Variants in GRIN3B observed in about 807,000 individuals in gnomAD.
GRIN3B encodes the protein glutamate receptor ionotropic, NMDA 3B.
Under a neutral mutation model 66.0 loss-of-function variants are expected in GRIN3B, and 77 were observed. The observed-to-expected ratio is 1.17, with a 90% CI of 0.97 to 1.41. The LOEUF is 1.41. Ranked by LOEUF, GRIN3B falls within the 40% of genes most tolerant of loss-of-function variation. The pLI is 0.00. For synonymous variants in GRIN3B, 823 were observed against 749.7 expected, an observed-to-expected ratio of 1.10 and a Z score of -1.60; for missense variants, 1,787 against 1,564.5, an observed-to-expected ratio of 1.14 and a Z score of -2.40.
rs764451151 is a variant in GRIN3B, at chr19:1,004,893, C to T, written c.1392C>T (p.Ala464=). The T allele has an allele frequency of 1.9e-6, 3 of 1,600,412 alleles. No individual in the cohort carries two copies. Among genetic ancestry groups the T allele is most frequent in the Non-Finnish European group, 2.6e-6 (3 of 1,171,816 alleles). The change falls in exon 3 of 9, where the codon GCC becomes GCT. Residue 464 remains alanine, a synonymous_variant. Transcript: ENST00000234389. ...ATLDALFAAL[A]NGSAPRALRK... is the part of the protein sequence containing the mutation. ...TGGACGCACTGTTCGCCGCGCTGGC[C>T]AACGGCTCAGCGCCCCGTGCCCTGC...
chr19:1,003,011 G>A, intron 1 of GRIN3B, 119 bp from the exon 2 acceptor site: 1 of 629,858 alleles, frequency 1.6e-6, no homozygotes, highest in Non-Finnish European at 2.6e-6. Flanking sequence ...CTGGGGGGAG[G>A]TGGAGGGGAG....
At position 1,009,607 on chromosome 19, in the gene GRIN3B, G is replaced by C; in HGVS notation, c.*5G>C. 7.0e-7 allele frequency: 1 copy of C among 1,424,772 alleles called. No homozygotes were observed. The highest frequency in any genetic ancestry group is 9.1e-7 in the Non-Finnish European group (1 of 1,094,678). The allele number at this position is 1,424,772 out of a possible 1,614,324, so 88.3% of individuals were successfully genotyped here. A position where few individuals can be genotyped will look rare whatever the true frequency, so the allele number is the denominator to read the frequency against. On this transcript the variant is annotated 3_prime_UTR_variant, in exon 9 of 9. Coordinates refer to ENST00000234389, the MANE Select transcript of GRIN3B (RefSeq NM_138690.3). The stretch of plus-strand genomic sequence containing the variant: ...CGACCGGGGAGCCAGGAATGAGGCG[G>C]CAGCCGGGCCGTTTGGGCTCAAGAC...
intron 1 of GRIN3B, among the ~76,000 whole-genome samples, chr19:1,001,088 C>A (rs1025339464): frequency 2.0e-5 from 3 of 152,044 alleles, no homozygotes; most frequent in Non-Finnish European, 4.4e-5. Flanking sequence ...GGGACCTAGA[C>A]GCGGGGTTGA....
rs903119058 is a variant in GRIN3B at position 1,003,216 on chromosome 19, G to A, written c.513G>A (p.Trp171Ter). The A allele has an allele frequency of 1.9e-6, 3 of 1,568,886 alleles. 1 individual carries two copies. In the South Asian group the frequency reaches 3.5e-5, roughly 18 times the overall value. The change falls in exon 2 of 9, where the codon TGG becomes TGA. Residue 171 changes from tryptophan to a stop codon, truncating the protein, a stop_gained. Coordinates refer to ENST00000234389, the MANE Select transcript of GRIN3B (RefSeq NM_138690.3). LOFTEE classifies it high-confidence loss of function. ...TGGCGGTGCTGCAGGCGCACGCCTG[G>A]GAAGACGTCGGCCTGGCCCTGTGCC... ...VLVAVLQAHA[W>*]EDVGLALCRT...
chr19:1,008,936 T>C lies in GRIN3B; in HGVS notation c.2702+9T>C. 1 of 1,600,482 alleles carries C rather than the reference T, an allele frequency of 6.2e-7. No individual in the cohort carries two copies. Among genetic ancestry groups the C allele is most frequent in the East Asian group, 2.3e-5 (1 of 44,156 alleles). The stretch of plus-strand genomic sequence containing the variant: ...GCAGAGGCGGAGCCCAGGTAAGTGG[T>C]GGTCGGGGCGGACCACGATGCAGGA... On this transcript the variant is annotated intron_variant, in intron 8 of 8. Transcript: ENST00000234389.
At chr19:1,009,052 G>A (rs2038803092) in intron 8 of GRIN3B, 121 bp from the exon 9 acceptor site, 2 of 1,440,378 alleles carry the variant, frequency 1.4e-6, no homozygotes, top group Non-Finnish European at 1.9e-6. Context: ...CCCCGGACGT[G>A]CACACCGTGG....
In GRIN3B at chr19:1,006,987, C is replaced by T. The variant is rs377186492; in HGVS notation, c.2053-641C>T. Among the ~76,000 whole-genome samples, 31 of 152,282 alleles carry T rather than the reference C, an allele frequency of 2.0e-4. No individual in the cohort carries two copies. The East Asian group carries it at 4.4e-3, about 22-fold the overall frequency. ...TCATTAGGGGTCTGCACCAGGTTGCCCTGGCAGCTGTGGGGAGAACAGACC... is the reference window on the plus strand; with the variant it reads ...TCATTAGGGGTCTGCACCAGGTTGCTCTGGCAGCTGTGGGGAGAACAGACC... On this transcript the variant is annotated intron_variant, in intron 3 of 8. Transcript: ENST00000234389.
In GRIN3B at chr19:1,009,175, G is replaced by A. The variant is rs762900281; in HGVS notation, c.2705G>A (p.Gly902Asp). The part of the protein sequence containing the change: ...KEETAEAEPS[G>D]PEVEQQQQQQ... Reference sequence around the variant, plus strand: ...GACCAGGCCGGTTCCGTCCCCAGCGGCCCCGAGGTGGAGCAGCAGCAGCAG... The same window carrying A: ...GACCAGGCCGGTTCCGTCCCCAGCGACCCCGAGGTGGAGCAGCAGCAGCAG... The change falls in exon 9 of 9, where the codon GGC becomes GAC. Residue 902 changes from glycine to aspartate, a missense_variant and splice_region_variant. Coordinates refer to ENST00000234389, the MANE Select transcript of GRIN3B (RefSeq NM_138690.3). The A allele has an allele frequency of 1.3e-5, 19 of 1,469,868 alleles. No homozygotes were observed. In the African/African-American group the frequency reaches 1.8e-4, roughly 14 times the overall value. 91.1% of individuals were successfully genotyped at this position (1,469,868 alleles called of 1,614,324 possible).
chr19:1,008,817 C>A (rs376554166), intron 7 of GRIN3B, 35 bp downstream of exon 7: 12 of 1,591,320 alleles, frequency 7.5e-6, no homozygotes, highest in Non-Finnish European at 8.5e-6. Flanking sequence ...GGCCCCACCC[C>A]CCCCGCCTCC....
In GRIN3B at chr19:1,005,153, CCAGCCTGG is replaced by C. The variant is rs1197252211; in HGVS notation, c.1653_1660del (p.Ser552HisfsTer45). ...GACTTCACCAGCCCCTTCTTCTCCA[CCAGCCTGG>C]GCATCATGGTGCGGGCACGGGACAC... On this transcript the variant is annotated frameshift_variant, in exon 3 of 9. Coordinates refer to ENST00000234389, the MANE Select transcript of GRIN3B (RefSeq NM_138690.3). LOFTEE classifies it high-confidence loss of function. This position sits in a 1 kb window ranked among gnomAD's most constrained non-coding sequence, Gnocchi z 5.2. 12 of 1,613,374 alleles carry C rather than the reference CCAGCCTGG, an allele frequency of 7.4e-6. No homozygotes were observed. The Admixed American group carries it at 1.8e-4, about 25-fold the overall frequency.
At chr19:1,004,201 C>T (rs541471155) in intron 2 of GRIN3B, among the ~76,000 whole-genome samples, 4 of 152,316 alleles carry the variant, frequency 2.6e-5, no homozygotes, top group South Asian at 2.1e-4. Flanking sequence ...AGGGAGGGAA[C>T]GGGTCTCTGG....
In GRIN3B at chr19:1,000,778, T is replaced by C. The variant is rs1290911539; in HGVS notation, c.341T>C (p.Leu114Pro). 43 of 1,448,792 alleles carry C rather than the reference T, an allele frequency of 3.0e-5. No homozygotes were observed. Among genetic ancestry groups the C allele is most frequent in the Non-Finnish European group, 3.3e-5 (37 of 1,107,486 alleles). 89.7% of individuals were successfully genotyped at this position (1,448,792 alleles called of 1,614,324 possible). The part of the protein sequence containing the change: ...LAFPEARPEL[L>P]QLHFLAAATE... ...TTTCCCGAGGCTCGGCCCGAGCTGC[T>C]GCAGCTGCACTTCCTGGCGGCGGCC... The change falls in exon 1 of 9, where the codon CTG becomes CCG. Residue 114 changes from leucine to proline, a missense_variant. Physicochemically the swap from Leu to Pro is moderately conservative, Grantham distance 98. Coordinates refer to ENST00000234389, the MANE Select transcript of GRIN3B (RefSeq NM_138690.3).
In GRIN3B at chr19:1,003,202, C is replaced by A; in HGVS notation, c.499C>A (p.Gln167Lys). ...TLLDVLVAVL[Q>K]AHAWEDVGLA... Reference sequence around the variant, plus strand: ...GCTGGATGTGCTGGTGGCGGTGCTGCAGGCGCACGCCTGGGAAGACGTCGG... The same window carrying A: ...GCTGGATGTGCTGGTGGCGGTGCTGAAGGCGCACGCCTGGGAAGACGTCGG... The change falls in exon 2 of 9, where the codon CAG (glutamine) becomes AAG (lysine). Residue 167 changes from glutamine to lysine, a missense_variant. Gln to Lys is a moderately conservative substitution (Grantham distance 53, BLOSUM62 1). Coordinates refer to ENST00000234389, the MANE Select transcript of GRIN3B (RefSeq NM_138690.3). 1.3e-6 allele frequency: 2 copies of A among 1,535,106 alleles called. No individual in the cohort carries two copies. The highest frequency in any genetic ancestry group is 1.2e-5 in the South Asian group (1 of 80,522).
intron 2 of GRIN3B, among the ~76,000 whole-genome samples, chr19:1,004,254 AC>A (rs1366170605): frequency 2.6e-5 from 4 of 152,152 alleles, no homozygotes; most frequent in Admixed American, 6.5e-5. Context: ...ACTCCTGGAA[AC>A]AGGTGACCCC....
rs1397545694 is a variant in GRIN3B at position 1,008,671 on chromosome 19, G to A, written c.2520G>A (p.Leu840=). 3 of 1,605,374 alleles carry A rather than the reference G, an allele frequency of 1.9e-6. No homozygotes were observed. The highest frequency in any genetic ancestry group is 2.5e-6 in the Non-Finnish European group (3 of 1,179,808). ...HFAGLFVLLC[L]GLGSALLSSL... ...CGGGCCTCTTCGTGTTGCTGTGCCT[G>A]GGCCTGGGCAGCGCTCTGCTCAGCT... is the stretch of plus-strand genomic sequence containing the variant. Residue 840 remains leucine (L), a synonymous_variant, in exon 7 of 9, where the codon CTG becomes CTA. Coordinates refer to ENST00000234389, the MANE Select transcript of GRIN3B (RefSeq NM_138690.3).
chr19:1,008,583 G>A (rs370855079), intron 6 of GRIN3B, 35 bp from the exon 7 acceptor site: 4 of 1,580,532 alleles, frequency 2.5e-6, no homozygotes, highest in South Asian at 1.1e-5. Context: ...CTGCCATTAC[G>A]TGACCGTGCG....
At position 1,007,706 on chromosome 19, in the gene GRIN3B, C is replaced by T; in HGVS notation, c.2131C>T (p.Pro711Ser). ...CGAGGCGTACATCAAGAAGAGCTTC[C>T]CCGACATGCACGCACACATGCGGCG... ...SAEAYIKKSFPDMHAHMRRHS... is the reference protein window; with the variant it reads ...SAEAYIKKSFSDMHAHMRRHS... The change falls in exon 4 of 9, where the codon CCC becomes TCC. Residue 711 changes from proline (P) to serine (S), a missense_variant. Transcript: ENST00000234389. This position sits in a 1 kb window ranked among gnomAD's most constrained non-coding sequence, Gnocchi z 4.4. The T allele has an allele frequency of 6.5e-7, 1 of 1,537,382 alleles. No individual in the cohort carries two copies. The highest frequency in any genetic ancestry group is 8.7e-7 in the Non-Finnish European group (1 of 1,142,900).
At chr19:1,006,863 C>G (rs1218058007) in intron 3 of GRIN3B, among the ~76,000 whole-genome samples, 1 of 152,216 alleles carries the variant, frequency 6.6e-6, no homozygotes, top group African/African-American at 2.4e-5. Flanking sequence ...ATGCTGCTGA[C>G]CCACAGGCAC....
At chr19:1,004,339 G>A (rs117734054) in intron 2 of GRIN3B, among the ~76,000 whole-genome samples, 182 bp from the exon 3 acceptor site, 1,725 of 152,304 alleles carry the variant, frequency 0.011, 13 homozygotes, top group South Asian at 0.024. Flanking sequence ...CATCGGGCAC[G>A]GATGCCCCGG....
Sources: allele counts gnomAD v4.1 joint callset (sites outside exome capture counted in the v4.1 genomes callset), GRCh38; gene constraint gnomAD v4.1.1; non-coding constraint Gnocchi (gnomAD v3.1); transcripts MANE v1.5; gene names NCBI Gene and HGNC (gene_info 2026-07-23, HGNC 2026-07-21).